ERGIC1: variants seen among roughly 807,000 people sequenced by gnomAD.
ERGIC1 encodes the protein endoplasmic reticulum-Golgi intermediate compartment protein 1.
A neutral mutation model predicts 38.3 loss-of-function variants in ERGIC1; 19 were observed. That is an observed-to-expected ratio of 0.50 (90% CI 0.35 to 0.73). The LOEUF is 0.73. ERGIC1 is among the 30% of genes least tolerant of loss of function. The probability of loss-of-function intolerance (pLI) is 0.01; values close to 1 mark genes in which losing one functional copy is unlikely to be tolerated. For synonymous variants in ERGIC1, 124 were observed against 157.6 expected, an observed-to-expected ratio of 0.79 and a Z score of 1.60; for missense variants, 294 against 389.2, an observed-to-expected ratio of 0.76 and a Z score of 2.06.
At chr5:172,893,939 A>ATATATATACATATATATATATATATATG (rs1762647895) in intron 2 of ERGIC1, among the ~76,000 whole-genome samples, 5 of 35,804 alleles carry the variant, frequency 1.4e-4, no homozygotes, top group Admixed American at 1.2e-3. Flanking sequence ...GTGTGTGTAT[A>ATATATATACATATATATATATATATATG]TATATATATA....
chr5:172,853,147 G>T (rs1376055155), intron 1 of ERGIC1, among the ~76,000 whole-genome samples: 3 of 152,222 alleles, frequency 2.0e-5, no homozygotes, highest in African/African-American at 7.2e-5. Context: ...GGTTTACCAC[G>T]TGCTGTTGTT....
chr5:172,895,129 T>C (rs1330394319), intron 2 of ERGIC1, among the ~76,000 whole-genome samples: 1 of 152,174 alleles, frequency 6.6e-6, no homozygotes, highest in Non-Finnish European at 1.5e-5. Flanking sequence ...TGCAGGAAAC[T>C]AAGGGTCAAT....
At chr5:172,901,128 A>T (rs1230422891) in intron 3 of ERGIC1, among the ~76,000 whole-genome samples, 2 of 152,186 alleles carry the variant, frequency 1.3e-5, no homozygotes. Flanking sequence ...CCCTCCCGCC[A>T]CCATGAGATT....
Position 172,926,666 on chromosome 5 carries a change from C to G in ERGIC1, c.541+97C>G, listed in dbSNP as rs1350142867. The G allele has an allele frequency of 1.3e-5, 18 of 1,377,646 alleles. No individual in the cohort carries two copies. The South Asian group carries it at 1.5e-4, about 12-fold the overall frequency. 85.3% of individuals were successfully genotyped at this position (1,377,646 alleles called of 1,614,324 possible). ...GAGAGGTGGGGGTGCCTGTCCAGCA[C>G]CCACTCCAAGGCAGGGAGGCTGCTG... On this transcript the variant is annotated intron_variant, in intron 7 of 9. Transcript: ENST00000393784. This position sits in a 1 kb window ranked among gnomAD's most constrained non-coding sequence, Gnocchi z 5.2.
intron 3 of ERGIC1, among the ~76,000 whole-genome samples, chr5:172,905,732 G>A (rs1249485764): frequency 1.3e-5 from 1 of 79,466 alleles, no homozygotes; most frequent in Non-Finnish European, 3.2e-5. Flanking sequence ...AGCTCAGCTC[G>A]AGCCGGAACA....
At chr5:172,894,895 C>G (rs1561722623) in intron 2 of ERGIC1, among the ~76,000 whole-genome samples, 3 of 152,244 alleles carry the variant, frequency 2.0e-5, no homozygotes, top group African/African-American at 7.2e-5. Flanking sequence ...GTTTTGAAGA[C>G]AGATAGATGG....
chr5:172,949,764 G>A (rs571881762), intron 9 of ERGIC1, among the ~76,000 whole-genome samples: 4 of 152,216 alleles, frequency 2.6e-5, no homozygotes, highest in South Asian at 4.1e-4. Context: ...TGTCAATGGT[G>A]CCATTAGAAA....
intron 4 of ERGIC1, among the ~76,000 whole-genome samples, chr5:172,911,211 G>A (rs986759278): frequency 6.6e-6 from 1 of 152,160 alleles, no homozygotes; most frequent in Non-Finnish European, 1.5e-5. Flanking sequence ...CATTGCTTTT[G>A]GTGAGATTTA....
In ERGIC1 at chr5:172,847,926, C is replaced by G. The variant is rs185612835; in HGVS notation, c.20+13493C>G. Among the ~76,000 whole-genome samples, 18 of 152,340 alleles carry G rather than the reference C, an allele frequency of 1.2e-4. No homozygotes were observed. The East Asian group carries it at 1.7e-3, about 15-fold the overall frequency. On this transcript the variant is annotated intron_variant, in intron 1 of 9. Transcript: ENST00000393784. ...CTTTGGAAATGGAAAAGCAATAGCTCCTGCTGTAAATTGATACAAATAATT... is the reference window on the plus strand; with the variant it reads ...CTTTGGAAATGGAAAAGCAATAGCTGCTGCTGTAAATTGATACAAATAATT...
chr5:172,854,336 C>T (rs768518264), intron 1 of ERGIC1, among the ~76,000 whole-genome samples: 2 of 152,156 alleles, frequency 1.3e-5, no homozygotes, highest in Admixed American at 6.5e-5. Flanking sequence ...GAGCTGTGTT[C>T]ACGCCACTTC....
intron 1 of ERGIC1, among the ~76,000 whole-genome samples, chr5:172,871,600 C>T (rs1420546759): frequency 6.6e-6 from 1 of 152,168 alleles, no homozygotes; most frequent in African/African-American, 2.4e-5. Context: ...TGTGTCTGAC[C>T]TCCGATGTGC....
chr5:172,882,773 C>T (rs548060503), intron 1 of ERGIC1, among the ~76,000 whole-genome samples: 20 of 152,162 alleles, frequency 1.3e-4, no homozygotes, highest in Non-Finnish European at 2.1e-4. Context: ...CAGCCTGCCT[C>T]CCTACCCCTG....
intron 1 of ERGIC1, among the ~76,000 whole-genome samples, chr5:172,840,336 A>T (rs1192212533): frequency 6.6e-6 from 1 of 152,166 alleles, no homozygotes; most frequent in Non-Finnish European, 1.5e-5. Context: ...CCCATCTGGT[A>T]ATCCTTTCGT....
intron 4 of ERGIC1, chr5:172,914,468 G>T (rs1003838303): frequency 4.2e-4 from 247 of 589,400 alleles, no homozygotes; most frequent in Middle Eastern, 1.4e-3. Context: ...AGATTCAGAG[G>T]ACCAGTATGG....
In ERGIC1 at chr5:172,888,769, C is replaced by G; in HGVS notation, c.82+9C>G. 1.2e-6 allele frequency: 2 copies of G among 1,613,634 alleles called. No homozygotes were observed. The highest frequency in any genetic ancestry group is 1.7e-6 in the Non-Finnish European group (2 of 1,179,542). On this transcript the variant is annotated intron_variant, in intron 2 of 9. Transcript: ENST00000393784. ...GTACACCGGGGCCATTAGTGAGTAG[C>G]CAACCTCTGGCCATGCCCTCTGCCC...
intron 4 of ERGIC1, among the ~76,000 whole-genome samples, chr5:172,914,246 A>AT (rs1377534467): frequency 7.4e-5 from 9 of 120,904 alleles, no homozygotes; most frequent in East Asian, 2.0e-4. Flanking sequence ...AAAAAAAAAA[A>AT]AAAAAAAAAA....
At chr5:172,882,754 A>T (rs1426215108) in intron 1 of ERGIC1, among the ~76,000 whole-genome samples, 1 of 152,164 alleles carries the variant, frequency 6.6e-6, no homozygotes, top group Non-Finnish European at 1.5e-5. Flanking sequence ...TTAGAGCGTC[A>T]TCATCGCCCA....
intron 1 of ERGIC1, among the ~76,000 whole-genome samples, chr5:172,882,756 C>T (rs748100504): frequency 6.6e-6 from 1 of 152,164 alleles, no homozygotes; most frequent in Non-Finnish European, 1.5e-5. Flanking sequence ...AGAGCGTCAT[C>T]ATCGCCCAGC....
At chr5:172,927,056 C>T (rs545905834) in intron 7 of ERGIC1, 4 of 168,780 alleles carry the variant, frequency 2.4e-5, no homozygotes, top group South Asian at 1.5e-4. Context: ...CTAGAGTCCT[C>T]GCCCTCCTTA....
Sources: allele counts gnomAD v4.1 joint callset (sites outside exome capture counted in the v4.1 genomes callset), GRCh38; gene constraint gnomAD v4.1.1; non-coding constraint Gnocchi (gnomAD v3.1); transcripts MANE v1.5; gene names NCBI Gene and HGNC (gene_info 2026-07-23, HGNC 2026-07-21).